SAP30L: variants seen among roughly 807,000 people sequenced by gnomAD.
SAP30L encodes the protein SAP30 like, also known as histone deacetylase complex subunit SAP30L.
Under a neutral mutation model 22.3 loss-of-function variants are expected in SAP30L, and 10 were observed. The ratio of observed to expected loss-of-function variants is 0.45; its 90% CI spans 0.28 to 0.76. The LOEUF (loss-of-function observed/expected upper bound fraction) is 0.76. SAP30L is among the 30% of genes least tolerant of loss of function. SAP30L has a pLI of 0.14. For missense variants in SAP30L, 206 were observed against 237.9 expected (o/e 0.87, Z 0.88); for synonymous variants, 91 against 94.1 (o/e 0.97, Z 0.19).
At position 154,456,211 on chromosome 5, in the gene SAP30L, T is replaced by C; in HGVS notation, c.*183T>C. 2.1e-6 allele frequency: 1 copy of C among 487,190 alleles called. No homozygotes were observed. Among genetic ancestry groups the C allele is most frequent in the Non-Finnish European group, 3.4e-6 (1 of 294,876 alleles). The allele number at this position is 487,190 out of a possible 1,614,324, so 30.2% of individuals were successfully genotyped here. A position where few individuals can be genotyped will look rare whatever the true frequency, so the allele number is the denominator to read the frequency against. Reference sequence around the variant, plus strand: ...TGATTCAGCATGTGTATAGAAAGACTTTCTTTTACGATAACTCTGGACTAA... The same window carrying C: ...TGATTCAGCATGTGTATAGAAAGACCTTCTTTTACGATAACTCTGGACTAA... On this transcript the variant is annotated 3_prime_UTR_variant, in exon 4 of 4. Coordinates refer to ENST00000297109, the MANE Select transcript of SAP30L (RefSeq NM_024632.6).
intron 1 of SAP30L, among the ~76,000 whole-genome samples, chr5:154,449,247 T>A (rs1757088928): frequency 1.3e-5 from 2 of 152,210 alleles, no homozygotes; most frequent in African/African-American, 4.8e-5. Flanking sequence ...GACATATTTC[T>A]GCTTTTTTTT....
chr5:154,446,498 TG>T lies in SAP30L; in HGVS notation c.-104del. 1 of 957,522 alleles carries T rather than the reference TG, an allele frequency of 1.0e-6. No individual in the cohort carries two copies. The allele number at this position is 957,522 out of a possible 1,614,324, so 59.3% of individuals were successfully genotyped here. A position where few individuals can be genotyped will look rare whatever the true frequency, so the allele number is the denominator to read the frequency against. On this transcript the variant is annotated 5_prime_UTR_variant, in exon 1 of 4. Coordinates refer to ENST00000297109, the MANE Select transcript of SAP30L (RefSeq NM_024632.6). The stretch of plus-strand genomic sequence containing the variant: ...CAGCGCCCGGGCTGGAGACGGACTC[TG>T]GGACCCTCGGCTGCGGGGGTCTCAG...
At position 154,456,229 on chromosome 5, in the gene SAP30L, T is replaced by G. The variant is rs868800878; in HGVS notation, c.*201T>G. ...GAAAGACTTTCTTTTACGATAACTC[T>G]GGACTAAAAAAATCAGGATCATTAA... On this transcript the variant is annotated 3_prime_UTR_variant, in exon 4 of 4. Transcript: ENST00000297109. 2 of 419,370 alleles carry G rather than the reference T, an allele frequency of 4.8e-6. No homozygotes were observed. 26.0% of individuals were successfully genotyped at this position (419,370 alleles called of 1,614,324 possible).
chr5:154,451,296 T>G, intron 2 of SAP30L, 83 bp downstream of exon 2: 1 of 1,420,794 alleles, frequency 7.0e-7, no homozygotes, highest in Non-Finnish European at 9.6e-7. Context: ...CTGCTTTTTG[T>G]GTTAAGAAGT....
intron 1 of SAP30L, among the ~76,000 whole-genome samples, chr5:154,450,294 AG>A (rs1459590439): frequency 6.6e-6 from 1 of 152,264 alleles, no homozygotes; most frequent in Non-Finnish European, 1.5e-5. Flanking sequence ...CTACCTTGTA[AG>A]AACTTCCACA....
chr5:154,447,967 T>C (rs1237047987), intron 1 of SAP30L, among the ~76,000 whole-genome samples: 1 of 129,192 alleles, frequency 7.7e-6, no homozygotes, highest in African/African-American at 2.7e-5. Context: ...TTTTTTCTTT[T>C]TCTTTTTTTT....
chr5:154,453,533 C>A, intron 3 of SAP30L, 33 bp downstream of exon 3: 1 of 1,341,402 alleles, frequency 7.5e-7, no homozygotes, highest in Non-Finnish European at 1.1e-6. Flanking sequence ...TAAAGAGAGC[C>A]AGCATTGTGC....
rs1016476091 is a variant in SAP30L, at chr5:154,456,249, C to G, written c.*221C>G. The G allele has an allele frequency of 5.5e-6, 2 of 360,550 alleles. No individual in the cohort carries two copies. Among genetic ancestry groups the G allele is most frequent in the East Asian group, 9.2e-5 (2 of 21,698 alleles). The allele number at this position is 360,550 out of a possible 1,614,324, so 22.3% of individuals were successfully genotyped here. A position where few individuals can be genotyped will look rare whatever the true frequency, so the allele number is the denominator to read the frequency against. On this transcript the variant is annotated 3_prime_UTR_variant, in exon 4 of 4. Transcript: ENST00000297109. ...AACTCTGGACTAAAAAAATCAGGAT[C>G]ATTAAAAGAATTAAAAACTATGTAT...
rs773399838 is a variant in SAP30L, at chr5:154,446,814, G to A, written c.201+9G>A. On this transcript the variant is annotated intron_variant, in intron 1 of 3. Transcript: ENST00000297109. Reference sequence around the variant, plus strand: ...TGGACATCGACAAGAGCGTGAGTCCGCCCCCGCTCGCGTCTGGGCCCCGGC... The same window carrying A: ...TGGACATCGACAAGAGCGTGAGTCCACCCCCGCTCGCGTCTGGGCCCCGGC... 3.8e-6 allele frequency: 6 copies of A among 1,597,274 alleles called. No individual in the cohort carries two copies. In the South Asian group the frequency reaches 5.6e-5, roughly 15 times the overall value.
At chr5:154,455,326 C>T (rs550247095) in intron 3 of SAP30L, among the ~76,000 whole-genome samples, 9 of 152,270 alleles carry the variant, frequency 5.9e-5, no homozygotes, top group African/African-American at 2.2e-4. Context: ...GTGATCCTCC[C>T]ACCTCAGCCT....
At position 154,446,437 on chromosome 5, in the gene SAP30L, G is replaced by A; in HGVS notation, c.-168G>A. The A allele has an allele frequency of 8.0e-6, 4 of 497,140 alleles. No homozygotes were observed. The highest frequency in any genetic ancestry group is 9.8e-6 in the Non-Finnish European group (3 of 307,644). The allele number at this position is 497,140 out of a possible 1,614,324, so 30.8% of individuals were successfully genotyped here. On this transcript the variant is annotated 5_prime_UTR_variant, in exon 1 of 4. Transcript: ENST00000297109. ...GGCTTCCGGAGGCGGAGGGCCGGGG[G>A]CCGAGGGAGCCGGGCCTCTCGGACG...
In SAP30L at chr5:154,457,173, A is replaced by T. The variant is rs1757279452; in HGVS notation, c.*1145A>T. 1.3e-5 allele frequency: 2 copies of T among 152,208 alleles called. No homozygotes were observed. Among genetic ancestry groups the T allele is most frequent in the South Asian group, 4.1e-4 (2 of 4,830 alleles). The allele number at this position is 152,208 out of a possible 1,614,324, so 9.4% of individuals were successfully genotyped here. On this transcript the variant is annotated 3_prime_UTR_variant, in exon 4 of 4. Coordinates refer to ENST00000297109, the MANE Select transcript of SAP30L (RefSeq NM_024632.6). ...ATTGCTAAAATAATTTTTGAAAATT[A>T]CCTAATTTTTTTGTTGTTCAAAACG...
intron 2 of SAP30L, among the ~76,000 whole-genome samples, chr5:154,451,627 A>T (rs1473257710): frequency 1.3e-5 from 2 of 152,180 alleles, no homozygotes; most frequent in Non-Finnish European, 2.9e-5. Flanking sequence ...ATGAAGGTGT[A>T]AGTCATCAGT....
Position 154,457,710 on chromosome 5 carries a change from A to C in SAP30L, c.*1682A>C, listed in dbSNP as rs886987077. On this transcript the variant is annotated 3_prime_UTR_variant, in exon 4 of 4. Transcript: ENST00000297109. ...TAGCAGATTGCAGCCTTTTAAATTA[A>C]ATATATATAAATGGTTGTATATAGA... 6.6e-6 allele frequency: 1 copy of C among 152,156 alleles called. No individual in the cohort carries two copies. Among genetic ancestry groups the C allele is most frequent in the Admixed American group, 6.6e-5 (1 of 15,266 alleles). The allele number at this position is 152,156 out of a possible 1,614,324, so 9.4% of individuals were successfully genotyped here. A position where few individuals can be genotyped will look rare whatever the true frequency, so the allele number is the denominator to read the frequency against.
chr5:154,446,503 C>A lies in SAP30L; in HGVS notation c.-102C>A. On this transcript the variant is annotated 5_prime_UTR_variant, in exon 1 of 4. Coordinates refer to ENST00000297109, the MANE Select transcript of SAP30L (RefSeq NM_024632.6). The stretch of plus-strand genomic sequence containing the variant: ...CCCGGGCTGGAGACGGACTCTGGGA[C>A]CCTCGGCTGCGGGGGTCTCAGCGAC... The A allele has an allele frequency of 2.0e-6, 2 of 990,968 alleles. No individual in the cohort carries two copies. The highest frequency in any genetic ancestry group is 2.8e-6 in the Non-Finnish European group (2 of 727,168). The allele number at this position is 990,968 out of a possible 1,614,324, so 61.4% of individuals were successfully genotyped here.
At chr5:154,449,909 T>G (rs1757103588) in intron 1 of SAP30L, among the ~76,000 whole-genome samples, 1 of 152,222 alleles carries the variant, frequency 6.6e-6, no homozygotes, top group South Asian at 2.1e-4. Flanking sequence ...TTAAAAGTAC[T>G]TATGACTCAC....
rs184222758 is a variant in SAP30L at position 154,454,558 on chromosome 5, G to A, written c.423+1058G>A. Among the ~76,000 whole-genome samples the A allele has an allele frequency of 3.7e-3, 562 of 152,152 alleles. 3 individuals carry two copies. Among genetic ancestry groups the A allele is most frequent in the African/African-American group, 0.013 (541 of 41,504 alleles). On this transcript the variant is annotated intron_variant, in intron 3 of 3. Coordinates refer to ENST00000297109, the MANE Select transcript of SAP30L (RefSeq NM_024632.6). ...TTGATCCATTGAGATTTCCTGAAAG[G>A]CTTCCAGCCTGTTTCATTTTTGGTT...
rs1186217805 is a variant in SAP30L, at chr5:154,458,175, A to G, written c.*2147A>G. On this transcript the variant is annotated 3_prime_UTR_variant, in exon 4 of 4. Coordinates refer to ENST00000297109, the MANE Select transcript of SAP30L (RefSeq NM_024632.6). ...AAACCTGGGGAAATGTTTTACCTTC[A>G]GCCAGATGCTGTGTGTGTACTTGGG... 3.3e-5 allele frequency: 5 copies of G among 152,220 alleles called. No homozygotes were observed. Among genetic ancestry groups the G allele is most frequent in the Non-Finnish European group, 5.9e-5 (4 of 68,032 alleles). 9.4% of individuals were successfully genotyped at this position (152,220 alleles called of 1,614,324 possible).
chr5:154,447,688 A>G (rs1469917358), intron 1 of SAP30L, among the ~76,000 whole-genome samples: 2 of 152,216 alleles, frequency 1.3e-5, no homozygotes, highest in African/African-American at 2.4e-5. Flanking sequence ...GGTGGTTAAC[A>G]TCCATTCTCT....
Sources: gnomAD v4.1 joint callset for allele counts (sites outside exome capture counted in the v4.1 genomes callset) on GRCh38, gnomAD v4.1.1 for gene constraint, MANE v1.5 for transcripts, NCBI Gene and HGNC (gene_info 2026-07-23, HGNC 2026-07-21) for gene names.